ODAD1: variants seen among roughly 807,000 people sequenced by gnomAD.
The protein encoded by ODAD1 is outer dynein arm-docking complex subunit 1.
ODAD1 carries 49 observed loss-of-function variants against 67.2 expected under a neutral mutation model. The ratio of observed to expected loss-of-function variants is 0.73; its 90% CI spans 0.58 to 0.92. The LOEUF is 0.92. ODAD1 is among the 40% of genes least tolerant of loss of function. The pLI is 0.00. For synonymous variants in ODAD1, 345 were observed against 393.7 expected (o/e 0.88, Z 1.46); for missense variants, 897 against 953.7 (o/e 0.94, Z 0.78).
chr19:48,300,543 T>G (rs558314662), intron 12 of ODAD1, among the ~76,000 whole-genome samples: 1 of 151,920 alleles, frequency 6.6e-6, no homozygotes, highest in Non-Finnish European at 1.5e-5. Context: ...AAATTAGATA[T>G]CCTCAAAACT....
intron 7 of ODAD1, among the ~76,000 whole-genome samples, chr19:48,306,678 A>T (rs888646371): frequency 2.0e-5 from 3 of 152,226 alleles, no homozygotes; most frequent in African/African-American, 7.2e-5. Flanking sequence ...CATATTCATA[A>T]AGGAAATTAA....
Position 48,302,757 on chromosome 19 carries a change from C to T in ODAD1, c.1177G>A (p.Glu393Lys), listed in dbSNP as rs1968502416. The T allele has an allele frequency of 6.2e-7, 1 of 1,613,610 alleles. No homozygotes were observed. The highest frequency in any genetic ancestry group is 8.5e-7 in the Non-Finnish European group (1 of 1,180,042). Residue 393 changes from glutamate to lysine, a missense_variant, in exon 12 of 16, where the codon GAG (glutamate) becomes AAG (lysine). By Grantham distance (56) the Glu-to-Lys change is moderately conservative. Transcript: ENST00000674294. ...LQQRMDKVHS[E>K]AERLEARFQD... ...AAGCGGGCCTCAAGGCGCTCAGCCT[C>T]CGAGTGCACCTTGTCCATGCGCTGC...
intron 12 of ODAD1, among the ~76,000 whole-genome samples, chr19:48,302,298 A>G (rs1968485750): frequency 6.6e-6 from 1 of 151,318 alleles, no homozygotes; most frequent in African/African-American, 2.4e-5. Flanking sequence ...GATGATGGAT[A>G]TAGGACAGTT....
At chr19:48,314,598 C>T (rs1968850413) in intron 5 of ODAD1, among the ~76,000 whole-genome samples, 1 of 152,154 alleles carries the variant, frequency 6.6e-6, no homozygotes, top group Non-Finnish European at 1.5e-5. Flanking sequence ...TTGAAGATGT[C>T]ACATCTTTGT....
intron 5 of ODAD1, among the ~76,000 whole-genome samples, chr19:48,313,386 C>T (rs1187972756): frequency 7.2e-6 from 1 of 139,522 alleles, no homozygotes; most frequent in Admixed American, 7.6e-5. Context: ...GAGATTGTGC[C>T]ACTGCACTCC....
chr19:48,299,172 G>T (rs544491739), intron 12 of ODAD1, among the ~76,000 whole-genome samples: 17 of 152,316 alleles, frequency 1.1e-4, no homozygotes, highest in African/African-American at 3.6e-4. Flanking sequence ...ACTTTGGGAA[G>T]CCAAGGCAGG....
At chr19:48,297,866 T>C in intron 14 of ODAD1, 134 bp downstream of exon 14, 1 of 853,074 alleles carries the variant, frequency 1.2e-6, no homozygotes, top group South Asian at 1.8e-5. Flanking sequence ...AAGCACATAC[T>C]TCATATTCTA....
intron 1 of ODAD1, chr19:48,321,361 G>C (rs540064079): frequency 6.4e-6 from 1 of 157,332 alleles, no homozygotes; most frequent in Non-Finnish European, 1.4e-5. Context: ...AGGCCTGAGA[G>C]GGGCGTGCCG....
rs1289793796 is a variant in ODAD1 at position 48,306,303 on chromosome 19, G to A, written c.618C>T (p.His206=). The A allele has an allele frequency of 1.3e-6, 2 of 1,551,372 alleles. No homozygotes were observed. The highest frequency in any genetic ancestry group is 1.4e-5 in the African/African-American group (1 of 72,998). Residue 206 remains histidine, a synonymous_variant, in exon 8 of 16, where the codon CAC becomes CAT. Coordinates refer to ENST00000674294, the MANE Select transcript of ODAD1 (RefSeq NM_001364171.2). ...KLKKEIHHLH[H]LVSTLILSST... ...AGGAGAGGATAAGGGTGCTGACCAGGTGATGCAGGTGGTGGATCTCCTGTG... is the reference window on the plus strand; with the variant it reads ...AGGAGAGGATAAGGGTGCTGACCAGATGATGCAGGTGGTGGATCTCCTGTG...
chr19:48,303,902 C>T, intron 9 of ODAD1, 51 bp downstream of exon 9: 1 of 1,594,508 alleles, frequency 6.3e-7, no homozygotes, highest in Non-Finnish European at 8.6e-7. Flanking sequence ...CTGCAGGTGC[C>T]CCAGGGGCGG....
intron 5 of ODAD1, 28 bp from the exon 6 acceptor site, chr19:48,312,144 T>C: frequency 6.5e-7 from 1 of 1,546,098 alleles, no homozygotes; most frequent in Non-Finnish European, 8.8e-7. Context: ...GTACCTGTTT[T>C]TGGTTGCCTG....
chr19:48,311,443 AGTC>A lies in ODAD1; in HGVS notation c.597+107_597+109del, dbSNP rs1968759024. ...TGGACTAAAGCAAGCCTACCGCTCTAGTCAATCCCATACTTGAGGCCTGAGTGC... is the reference window on the plus strand; with the variant it reads ...TGGACTAAAGCAAGCCTACCGCTCTAAATCCCATACTTGAGGCCTGAGTGC... On this transcript the variant is annotated intron_variant, in intron 7 of 15. Coordinates refer to ENST00000674294, the MANE Select transcript of ODAD1 (RefSeq NM_001364171.2). The A allele has an allele frequency of 1.2e-5, 8 of 681,712 alleles. No homozygotes were observed. The South Asian group carries it at 1.3e-4, about 11-fold the overall frequency. The allele number at this position is 681,712 out of a possible 1,614,324, so 42.2% of individuals were successfully genotyped here.
At position 48,296,889 on chromosome 19, in the gene ODAD1, G is replaced by A; in HGVS notation, c.*87C>T. 3 of 1,447,090 alleles carry A rather than the reference G, an allele frequency of 2.1e-6. No homozygotes were observed. Among genetic ancestry groups the A allele is most frequent in the South Asian group, 1.5e-5 (1 of 68,348 alleles). 89.6% of individuals were successfully genotyped at this position (1,447,090 alleles called of 1,614,324 possible). ...CCTGCCACTGGGAGAAAAAGACAGA[G>A]ACCCACAAGGCAAACAGGGGAAGTA... On this transcript the variant is annotated 3_prime_UTR_variant, in exon 16 of 16. Coordinates refer to ENST00000674294, the MANE Select transcript of ODAD1 (RefSeq NM_001364171.2).
In ODAD1 at chr19:48,298,020, T is replaced by A. The variant is rs1213263550; in HGVS notation, c.1482A>T (p.Pro494=). 1.9e-6 allele frequency: 3 copies of A among 1,612,982 alleles called. No individual in the cohort carries two copies. Among genetic ancestry groups the A allele is most frequent in the Non-Finnish European group, 2.5e-6 (3 of 1,179,728 alleles). The change falls in exon 14 of 16, where the codon CCA becomes CCT. Residue 494 remains proline, a synonymous_variant. Coordinates refer to ENST00000674294, the MANE Select transcript of ODAD1 (RefSeq NM_001364171.2). ...CTCACAGAGTGTCAGGGGGCTGAAGTGGGGCCATCTTCTTCGGAAGGTCCT... is the reference window on the plus strand; with the variant it reads ...CTCACAGAGTGTCAGGGGGCTGAAGAGGGGCCATCTTCTTCGGAAGGTCCT... ...SLEDLPKKMA[P]LQPPDTLEDP... is the part of the protein sequence containing the mutation.
At chr19:48,307,554 G>A (rs143055526) in intron 7 of ODAD1, among the ~76,000 whole-genome samples, 1,706 of 152,210 alleles carry the variant, frequency 0.011, 27 homozygotes, top group African/African-American at 0.032. Flanking sequence ...GGTGGTTCAC[G>A]CCTGTAATCC....
chr19:48,312,409 TTTG>T (rs1273793332), intron 5 of ODAD1, among the ~76,000 whole-genome samples: 83 of 89,296 alleles, frequency 9.3e-4, no homozygotes, highest in African/African-American at 2.2e-3. Context: ...CGTTTTTTTT[TTTG>T]TTTTTTTTTT....
chr19:48,315,555 A>C (rs779973824), intron 5 of ODAD1, among the ~76,000 whole-genome samples: 12 of 152,146 alleles, frequency 7.9e-5, no homozygotes, highest in Non-Finnish European at 1.2e-4. Flanking sequence ...AAATAAATAA[A>C]TAAACTGTGT....
chr19:48,316,735 C>T (rs952813980), intron 5 of ODAD1, among the ~76,000 whole-genome samples: 39 of 152,128 alleles, frequency 2.6e-4, no homozygotes, highest in Non-Finnish European at 1.5e-4. Context: ...CAATGGCTCA[C>T]GCTTGTAACC....
At chr19:48,309,516 C>A (rs1305927662) in intron 7 of ODAD1, among the ~76,000 whole-genome samples, 2 of 152,116 alleles carry the variant, frequency 1.3e-5, no homozygotes, top group African/African-American at 2.4e-5. Flanking sequence ...GGAGCTGCCC[C>A]CTGCAGGTCT....
Sources: allele counts gnomAD v4.1 joint callset (sites outside exome capture counted in the v4.1 genomes callset), GRCh38; gene constraint gnomAD v4.1.1; transcripts MANE v1.5; gene names NCBI Gene and HGNC (gene_info 2026-07-23, HGNC 2026-07-21).